MANBAL: variants seen among roughly 807,000 people sequenced by gnomAD.
MANBAL encodes the protein mannosidase beta like, also known as protein MANBAL.
In MANBAL, 1 loss-of-function variant was observed where a neutral mutation model predicts 6.4. That is an observed-to-expected ratio of 0.16 (90% CI 0.06 to 0.74). The LOEUF (loss-of-function observed/expected upper bound fraction) is 0.74. Ranked by LOEUF, MANBAL falls within the 30% of genes least tolerant of loss-of-function variation. The probability of loss-of-function intolerance (pLI) is 0.78; values close to 1 mark genes in which losing one functional copy is unlikely to be tolerated. For missense variants in MANBAL, 100 were observed against 107.8 expected (o/e 0.93, Z 0.32); for synonymous variants, 47 against 45.8 (o/e 1.03, Z -0.10).
At chr20:37,299,326 A>G (rs978239712) in intron 1 of MANBAL, among the ~76,000 whole-genome samples, 1 of 152,128 alleles carries the variant, frequency 6.6e-6, no homozygotes, top group African/African-American at 2.4e-5. Flanking sequence ...TGATCTGCCC[A>G]CCGTGGCCTC....
At chr20:37,309,770 G>A (rs1288394689) in intron 2 of MANBAL, among the ~76,000 whole-genome samples, 1 of 152,142 alleles carries the variant, frequency 6.6e-6, no homozygotes, top group South Asian at 2.1e-4. Flanking sequence ...GATTTTAAAC[G>A]AGGCCGCTAG....
intron 1 of MANBAL, among the ~76,000 whole-genome samples, chr20:37,291,104 A>G (rs894782006): frequency 6.6e-6 from 1 of 152,208 alleles, no homozygotes. Context: ...AGTATTTGCT[A>G]AGTCTTGAGA....
chr20:37,289,731 C>A (rs1321841433), intron 1 of MANBAL, 45 bp downstream of exon 1: 2 of 152,324 alleles, frequency 1.3e-5, no homozygotes, highest in South Asian at 4.1e-4. Flanking sequence ...GAGAGAGAGC[C>A]GTCCTCGGTG....
chr20:37,306,824 G>A (rs1780150500), intron 2 of MANBAL, among the ~76,000 whole-genome samples: 1 of 152,186 alleles, frequency 6.6e-6, no homozygotes, highest in Non-Finnish European at 1.5e-5. Flanking sequence ...TGGGATTAGA[G>A]AATGACAGTG....
At chr20:37,313,417 A>T (rs996946124) in intron 2 of MANBAL, among the ~76,000 whole-genome samples, 1 of 138,342 alleles carries the variant, frequency 7.2e-6, no homozygotes. Flanking sequence ...TAATAGTGGC[A>T]TTATGGGCTG....
chr20:37,314,343 T>G (rs972825766), intron 2 of MANBAL, among the ~76,000 whole-genome samples: 2 of 152,016 alleles, frequency 1.3e-5, no homozygotes, highest in African/African-American at 4.8e-5. Flanking sequence ...GGCAGACAGC[T>G]GGATCAAGGG....
At chr20:37,292,083 C>T (rs545027414) in intron 1 of MANBAL, among the ~76,000 whole-genome samples, 2 of 152,328 alleles carry the variant, frequency 1.3e-5, no homozygotes, top group African/African-American at 4.8e-5. Context: ...AGGTAGTAGT[C>T]AGGCTTTTCC....
intron 1 of MANBAL, among the ~76,000 whole-genome samples, chr20:37,291,270 A>G (rs556593357): frequency 1.3e-5 from 2 of 152,236 alleles, no homozygotes; most frequent in African/African-American, 2.4e-5. Flanking sequence ...CGTTTCCCCT[A>G]TTACTAATAT....
chr20:37,300,339 C>G (rs2069105561), intron 1 of MANBAL, among the ~76,000 whole-genome samples: 1 of 152,150 alleles, frequency 6.6e-6, no homozygotes, highest in Non-Finnish European at 1.5e-5. Context: ...CAAATGGCTC[C>G]CTCTCTCACT....
chr20:37,302,413 C>G, intron 2 of MANBAL: 2 of 1,499,424 alleles, frequency 1.3e-6, no homozygotes, highest in Non-Finnish European at 1.8e-6. Context: ...TTTAGAGATT[C>G]TTGGATTGAT....
chr20:37,305,730 G>A (rs1276044368), intron 2 of MANBAL, among the ~76,000 whole-genome samples: 23 of 146,264 alleles, frequency 1.6e-4, no homozygotes. Flanking sequence ...AAAAAATACA[G>A]TACTGTTGAT....
At chr20:37,311,463 G>GT (rs1385591120) in intron 2 of MANBAL, among the ~76,000 whole-genome samples, 2 of 152,042 alleles carry the variant, frequency 1.3e-5, no homozygotes, top group African/African-American at 2.4e-5. Flanking sequence ...TGTTGTCATT[G>GT]TTTTTTTTAT....
chr20:37,315,984 T>C (rs557582286), intron 2 of MANBAL, among the ~76,000 whole-genome samples: 1 of 152,356 alleles, frequency 6.6e-6, no homozygotes, highest in South Asian at 2.1e-4. Context: ...TATTTCCATT[T>C]CACAGGTGAG....
chr20:37,302,902 G>A (rs190166319), intron 2 of MANBAL, among the ~76,000 whole-genome samples: 2 of 151,980 alleles, frequency 1.3e-5, no homozygotes, highest in South Asian at 4.1e-4. Context: ...GGTTCAATAA[G>A]ATGTCACAGG....
At chr20:37,302,920 T>G (rs778195066) in intron 2 of MANBAL, among the ~76,000 whole-genome samples, 17 of 152,142 alleles carry the variant, frequency 1.1e-4, no homozygotes, top group Non-Finnish European at 2.5e-4. Flanking sequence ...AGGCTCTTTT[T>G]TGTGTGTGTG....
chr20:37,295,189 T>C (rs1482820888), intron 1 of MANBAL, among the ~76,000 whole-genome samples: 1 of 152,176 alleles, frequency 6.6e-6, no homozygotes, highest in Non-Finnish European at 1.5e-5. Context: ...GCTCTTGCTT[T>C]CGAGGTGGGA....
chr20:37,304,270 T>C (rs1296975172), intron 2 of MANBAL, among the ~76,000 whole-genome samples: 1 of 152,210 alleles, frequency 6.6e-6, no homozygotes, highest in East Asian at 1.9e-4. Flanking sequence ...TTTTTAATTT[T>C]TAGAGATTTT....
intron 2 of MANBAL, chr20:37,302,334 C>G: frequency 6.4e-7 from 1 of 1,550,498 alleles, no homozygotes. Context: ...GTACGAATAC[C>G]TCAGAGCTGG....
At chr20:37,314,229 G>A (rs1424763205) in intron 2 of MANBAL, among the ~76,000 whole-genome samples, 5 of 152,110 alleles carry the variant, frequency 3.3e-5, no homozygotes, top group Non-Finnish European at 7.4e-5. Context: ...AGAGGGTGAG[G>A]TTACCGGGTC....
Sources: allele counts gnomAD v4.1 joint callset (sites outside exome capture counted in the v4.1 genomes callset), GRCh38; gene constraint gnomAD v4.1.1; transcripts MANE v1.5; gene names NCBI Gene and HGNC (gene_info 2026-07-23, HGNC 2026-07-21).